Variants in COMMD10 observed in about 807,000 individuals in gnomAD.
The protein encoded by COMMD10 is COMM domain-containing protein 10.
COMMD10 carries 33 observed loss-of-function variants against 28.9 expected under a neutral mutation model. The observed-to-expected ratio is 1.14, with a 90% CI of 0.87 to 1.53. The LOEUF is 1.53. Among genes scored for constraint, COMMD10 ranks in the 40% most tolerant of loss-of-function variants. The pLI is 0.00. For synonymous variants in COMMD10, 110 were observed against 81.7 expected (o/e 1.35, Z -1.87); for missense variants, 310 against 233.4 (o/e 1.33, Z -2.14).
chr5:116,128,369 G>T (rs1751732744), intron 4 of COMMD10, among the ~76,000 whole-genome samples: 1 of 151,902 alleles, frequency 6.6e-6, no homozygotes, highest in South Asian at 2.1e-4. Flanking sequence ...ATTTTCCTGT[G>T]TTTTATATTA....
At chr5:116,130,504 G>A (rs1751829876) in intron 4 of COMMD10, among the ~76,000 whole-genome samples, 1 of 151,962 alleles carries the variant, frequency 6.6e-6, no homozygotes, top group Admixed American at 6.6e-5. Context: ...TGAGGCCAAA[G>A]AAACTGTAAT....
At chr5:116,251,902 T>C (rs1350708561) in intron 5 of COMMD10, among the ~76,000 whole-genome samples, 1 of 151,458 alleles carries the variant, frequency 6.6e-6, no homozygotes, top group East Asian at 1.9e-4. Context: ...TAGTTGACAG[T>C]CCCACCAACA....
chr5:116,234,093 G>A (rs1215671769), intron 5 of COMMD10, among the ~76,000 whole-genome samples: 1 of 152,062 alleles, frequency 6.6e-6, no homozygotes, highest in Non-Finnish European at 1.5e-5. Context: ...GTGAAAGGAG[G>A]CTAAAATTTT....
At chr5:116,237,072 G>A (rs7720475) in intron 5 of COMMD10, among the ~76,000 whole-genome samples, 3 of 151,892 alleles carry the variant, frequency 2.0e-5, no homozygotes, top group African/African-American at 4.8e-5. Context: ...AGAAGCTGAC[G>A]TGAGCACTGA....
intron 5 of COMMD10, among the ~76,000 whole-genome samples, chr5:116,146,892 G>T (rs1446890937): frequency 6.6e-6 from 1 of 151,748 alleles, no homozygotes. Context: ...CTTTATTTTT[G>T]TTTTTCAAAG....
intron 5 of COMMD10, among the ~76,000 whole-genome samples, chr5:116,277,605 G>A (rs1750954360): frequency 6.6e-6 from 1 of 151,930 alleles, no homozygotes; most frequent in African/African-American, 2.4e-5. Context: ...GTTGCCTGTT[G>A]TATGATAAAC....
chr5:116,223,585 C>T (rs183547525), intron 5 of COMMD10, among the ~76,000 whole-genome samples: 1 of 152,208 alleles, frequency 6.6e-6, no homozygotes, highest in Admixed American at 6.5e-5. Flanking sequence ...GAGATTTAAC[C>T]TAATCCAGAG....
At chr5:116,161,996 G>A (rs1165193815) in intron 5 of COMMD10, among the ~76,000 whole-genome samples, 1 of 152,064 alleles carries the variant, frequency 6.6e-6, no homozygotes, top group Non-Finnish European at 1.5e-5. Context: ...TCATGTTAAT[G>A]ATGGTCCAAT....
At chr5:116,188,140 A>T (rs980806383) in intron 5 of COMMD10, among the ~76,000 whole-genome samples, 1 of 152,118 alleles carries the variant, frequency 6.6e-6, no homozygotes, top group East Asian at 1.9e-4. Flanking sequence ...TTAGTGACTG[A>T]TTTTATTTGA....
At chr5:116,123,844 A>G (rs1336366543) in intron 4 of COMMD10, among the ~76,000 whole-genome samples, 1 of 152,004 alleles carries the variant, frequency 6.6e-6, no homozygotes, top group Non-Finnish European at 1.5e-5. Context: ...TAGATTTTCT[A>G]GTTTATTTGC....
intron 5 of COMMD10, among the ~76,000 whole-genome samples, chr5:116,245,907 C>T (rs1749940810): frequency 6.6e-6 from 1 of 152,096 alleles, no homozygotes; most frequent in Non-Finnish European, 1.5e-5. Context: ...TGGAAGCATT[C>T]CCCTTAAAAA....
intron 5 of COMMD10, among the ~76,000 whole-genome samples, chr5:116,183,959 C>A (rs763313331): frequency 1.5e-4 from 23 of 152,212 alleles, no homozygotes; most frequent in African/African-American, 5.3e-4. Flanking sequence ...ATATAAATAA[C>A]TTTTGGATTT....
intron 5 of COMMD10, among the ~76,000 whole-genome samples, chr5:116,250,911 A>G (rs1750094600): frequency 6.6e-6 from 1 of 152,014 alleles, no homozygotes; most frequent in Non-Finnish European, 1.5e-5. Context: ...CATATGGGAA[A>G]GGGTGACGTT....
chr5:116,152,657 T>C, intron 5 of COMMD10, among the ~76,000 whole-genome samples: 1 of 151,966 alleles, frequency 6.6e-6, no homozygotes, highest in East Asian at 2.0e-4. Context: ...CTTTTAAAAA[T>C]ATGCTGCTAG....
chr5:116,251,293 TATTTA>T (rs1242404207), intron 5 of COMMD10, among the ~76,000 whole-genome samples: 2 of 149,180 alleles, frequency 1.3e-5, no homozygotes, highest in African/African-American at 4.9e-5. Flanking sequence ...TTTATTTATT[TATTTA>T]TTTATTATTA....
rs139226434 is a variant in COMMD10, at chr5:116,248,533, G to T, written c.511-42984G>T. Reference sequence around the variant, plus strand: ...GAGACCCTAGTTAGGTATCAAAATAGCCTGTACAGTTCTGTTTTTGTTGTA... The same window carrying T: ...GAGACCCTAGTTAGGTATCAAAATATCCTGTACAGTTCTGTTTTTGTTGTA... On this transcript the variant is annotated intron_variant, in intron 5 of 6. Coordinates refer to ENST00000274458, the MANE Select transcript of COMMD10 (RefSeq NM_016144.4). Among the ~76,000 whole-genome samples, 5 of 152,024 alleles carry T rather than the reference G, an allele frequency of 3.3e-5. No individual in the cohort carries two copies. In the East Asian group the frequency reaches 9.7e-4, roughly 29 times the overall value.
intron 5 of COMMD10, among the ~76,000 whole-genome samples, chr5:116,219,866 A>AT (rs1270528739): frequency 1.3e-5 from 2 of 151,966 alleles, no homozygotes; most frequent in African/African-American, 2.4e-5. Context: ...TTACTTTGCT[A>AT]TTTTTTTGTA....
In COMMD10 at chr5:116,289,013, C is replaced by G. The variant is rs543896626; in HGVS notation, c.511-2504C>G. On this transcript the variant is annotated intron_variant, in intron 5 of 6. Transcript: ENST00000274458. The stretch of plus-strand genomic sequence containing the variant: ...TCTCCTGCCTCAGCCTCCTGAGTAG[C>G]TGGGATTAAAGGTGCATGCCACCAT... Among the ~76,000 whole-genome samples, 3 of 150,768 alleles carry G rather than the reference C, an allele frequency of 2.0e-5. No homozygotes were observed. The South Asian group carries it at 6.3e-4, about 31-fold the overall frequency.
At chr5:116,255,398 G>T (rs1403150985) in intron 5 of COMMD10, among the ~76,000 whole-genome samples, 2 of 151,620 alleles carry the variant, frequency 1.3e-5, no homozygotes, top group African/African-American at 4.9e-5. Flanking sequence ...TAGTCTTGAT[G>T]GTCGTTACAT....
Sources: allele counts gnomAD v4.1 joint callset (sites outside exome capture counted in the v4.1 genomes callset), GRCh38; gene constraint gnomAD v4.1.1; transcripts MANE v1.5; gene names NCBI Gene and HGNC (gene_info 2026-07-23, HGNC 2026-07-21).